CLASP2: variants seen among roughly 807,000 people sequenced by gnomAD.
CLASP2 encodes the protein cytoplasmic linker associated protein 2, also known as CLIP-associating protein 2.
Under a neutral mutation model 194.4 loss-of-function variants are expected in CLASP2, and 47 were observed. The observed-to-expected ratio is 0.24, with a 90% CI of 0.19 to 0.31. The LOEUF (loss-of-function observed/expected upper bound fraction) is 0.31, where lower values mean the gene tolerates loss of function less well. Among genes scored for constraint, CLASP2 ranks in the 10% least tolerant of loss-of-function variants. CLASP2 has a pLI of 1.00. For missense variants in CLASP2, 1,445 were observed against 1,823.6 expected, an observed-to-expected ratio of 0.79 and a Z score of 3.78; for synonymous variants, 619 against 633.5, an observed-to-expected ratio of 0.98 and a Z score of 0.34.
At chr3:33,663,103 C>T (rs2154333334) in intron 7 of CLASP2, among the ~76,000 whole-genome samples, 1 of 148,972 alleles carries the variant, frequency 6.7e-6, no homozygotes, top group East Asian at 2.0e-4. Context: ...AACAATTATT[C>T]TAGGTATAAA....
chr3:33,593,880 G>C (rs1362904092), intron 20 of CLASP2, among the ~76,000 whole-genome samples: 5 of 152,084 alleles, frequency 3.3e-5, no homozygotes, highest in African/African-American at 1.2e-4. Context: ...ATCTTGTTCT[G>C]TTGCCCAGGC....
At position 33,641,744 on chromosome 3, in the gene CLASP2, C is replaced by G. The variant is rs554377831; in HGVS notation, c.862+3013G>C. 2.0e-4 allele frequency among the ~76,000 whole-genome samples: 30 copies of G among 151,792 alleles called. No homozygotes were observed. In the South Asian group the frequency reaches 6.0e-3, roughly 30 times the overall value. On this transcript the variant is annotated intron_variant, in intron 8 of 38. Transcript: ENST00000682230. Reference sequence around the variant, plus strand: ...AGATTAAGTCACGATTCCAAAGAAGCTCACTGTATTTTTTTTTTTTTATTT... The same window carrying G: ...AGATTAAGTCACGATTCCAAAGAAGGTCACTGTATTTTTTTTTTTTTATTT...
At chr3:33,695,039 G>A (rs1386327505) in intron 2 of CLASP2, among the ~76,000 whole-genome samples, 2 of 150,248 alleles carry the variant, frequency 1.3e-5, no homozygotes. Flanking sequence ...AATACTTGCA[G>A]AGCAGTTTTC....
intron 26 of CLASP2, among the ~76,000 whole-genome samples, chr3:33,568,213 T>C (rs2063092412): frequency 6.6e-6 from 1 of 152,026 alleles, no homozygotes; most frequent in African/African-American, 2.4e-5. Flanking sequence ...CTTTAAAAAA[T>C]GACTTTAAAA....
intron 8 of CLASP2, among the ~76,000 whole-genome samples, chr3:33,643,990 AAG>A (rs566383152): frequency 4.6e-4 from 70 of 152,136 alleles, no homozygotes; most frequent in Non-Finnish European, 8.1e-4. Context: ...AAGAAAGGAA[AAG>A]AGAAAGAGAT....
At chr3:33,682,747 C>G (rs887758197) in intron 6 of CLASP2, among the ~76,000 whole-genome samples, 4 of 152,034 alleles carry the variant, frequency 2.6e-5, no homozygotes, top group Admixed American at 6.6e-5. Context: ...TTTAGTTGAA[C>G]AGGTTTTAAG....
chr3:33,548,529 C>T (rs568783497), intron 30 of CLASP2, among the ~76,000 whole-genome samples: 2 of 152,196 alleles, frequency 1.3e-5, no homozygotes, highest in South Asian at 4.1e-4. Context: ...GATCTCCTGA[C>T]CTCATGATCC....
chr3:33,691,033 T>G (rs1415364489), intron 2 of CLASP2, among the ~76,000 whole-genome samples: 1 of 152,138 alleles, frequency 6.6e-6, no homozygotes, highest in Non-Finnish European at 1.5e-5. Flanking sequence ...CCTTTGAGAA[T>G]CGAATGCTGT....
chr3:33,577,571 C>T (rs2065165618), intron 23 of CLASP2, among the ~76,000 whole-genome samples: 1 of 152,092 alleles, frequency 6.6e-6, no homozygotes, highest in Admixed American at 6.5e-5. Context: ...AAAAAAACCA[C>T]TATGGTAACT....
intron 36 of CLASP2, among the ~76,000 whole-genome samples, chr3:33,514,939 CG>C (rs2050878030): frequency 6.6e-6 from 1 of 151,948 alleles, no homozygotes; most frequent in Non-Finnish European, 1.5e-5. Flanking sequence ...ATGGAATTGG[CG>C]ATCTTTTATT....
At chr3:33,698,361 G>A (rs1341720967) in intron 1 of CLASP2, among the ~76,000 whole-genome samples, 1 of 152,054 alleles carries the variant, frequency 6.6e-6, no homozygotes, top group East Asian at 1.9e-4. Flanking sequence ...TCTCTAGTTG[G>A]GGAAAGCCAT....
intron 9 of CLASP2, among the ~76,000 whole-genome samples, chr3:33,630,890 T>A (rs2078971566): frequency 6.6e-6 from 1 of 152,196 alleles, no homozygotes; most frequent in Non-Finnish European, 1.5e-5. Context: ...AACACTAATC[T>A]TTCCCTTATA....
At chr3:33,534,914 A>G (rs1576038950) in intron 34 of CLASP2, among the ~76,000 whole-genome samples, 2 of 152,244 alleles carry the variant, frequency 1.3e-5, no homozygotes, top group Admixed American at 6.5e-5. Flanking sequence ...TCATCGTGGT[A>G]TAAAAATTAA....
intron 16 of CLASP2, among the ~76,000 whole-genome samples, chr3:33,606,161 C>T (rs192361485): frequency 5.1e-4 from 78 of 151,886 alleles, no homozygotes; most frequent in African/African-American, 1.3e-3. Flanking sequence ...ATAATGTTGT[C>T]CCTTGAGGGA....
At chr3:33,538,453 A>C (rs1369028994) in intron 33 of CLASP2, among the ~76,000 whole-genome samples, 1 of 152,210 alleles carries the variant, frequency 6.6e-6, no homozygotes, top group Admixed American at 6.5e-5. Context: ...AAAAATCTAA[A>C]AGGAAATTTG....
chr3:33,542,190 C>T (rs2058468650), intron 32 of CLASP2, among the ~76,000 whole-genome samples: 2 of 152,136 alleles, frequency 1.3e-5, no homozygotes, highest in Admixed American at 6.5e-5. Flanking sequence ...AAATCTAGCT[C>T]ATGCTTGAAT....
chr3:33,535,861 T>C (rs1444386755), intron 33 of CLASP2, among the ~76,000 whole-genome samples: 1 of 150,106 alleles, frequency 6.7e-6, no homozygotes, highest in African/African-American at 2.5e-5. Context: ...TAATGGTATA[T>C]CATACAACAG....
chr3:33,631,530 T>A (rs2079082289), intron 9 of CLASP2, among the ~76,000 whole-genome samples: 1 of 152,060 alleles, frequency 6.6e-6, no homozygotes, highest in Non-Finnish European at 1.5e-5. Context: ...ACCCCGTCTC[T>A]ACTAAAAATA....
At chr3:33,635,315 G>A (rs59247466) in intron 8 of CLASP2, among the ~76,000 whole-genome samples, 5,425 of 152,062 alleles carry the variant, frequency 0.036, 118 homozygotes, top group Admixed American at 0.068. Flanking sequence ...AGATATTGCA[G>A]GCTCATGAAC....
Sources: gnomAD v4.1 joint callset for allele counts (sites outside exome capture counted in the v4.1 genomes callset) on GRCh38, gnomAD v4.1.1 for gene constraint, MANE v1.5 for transcripts, NCBI Gene and HGNC (gene_info 2026-07-23, HGNC 2026-07-21) for gene names.